Variants in FLT1 observed in about 807,000 individuals in gnomAD.
The protein encoded by FLT1 is vascular endothelial growth factor receptor 1.
A neutral mutation model predicts 156.3 loss-of-function variants in FLT1; 49 were observed. That is an observed-to-expected ratio of 0.31 (90% CI 0.25 to 0.40). The LOEUF is 0.40. FLT1 is among the 10% of genes least tolerant of loss of function. FLT1 has a pLI of 1.00. For missense variants in FLT1, 1,322 were observed against 1,637.2 expected, an observed-to-expected ratio of 0.81 and a Z score of 3.32; for synonymous variants, 594 against 583.8, an observed-to-expected ratio of 1.02 and a Z score of -0.25.
chr13:28,480,561 G>GT (rs1880775923), intron 1 of FLT1, among the ~76,000 whole-genome samples: 1 of 152,188 alleles, frequency 6.6e-6, no homozygotes. Flanking sequence ...GAATCAATGT[G>GT]TATTTGCTAA....
At chr13:28,324,676 TG>T (rs1871602557) in intron 20 of FLT1, among the ~76,000 whole-genome samples, 1 of 152,366 alleles carries the variant, frequency 6.6e-6, no homozygotes, top group South Asian at 2.1e-4. Context: ...AGATCCTTTG[TG>T]GGACAGAAGG....
At chr13:28,389,604 T>C in intron 13 of FLT1, 192 bp downstream of exon 13, 1 of 1,456,242 alleles carries the variant, frequency 6.9e-7, no homozygotes, top group Non-Finnish European at 9.0e-7. Flanking sequence ...ATCTCCGAAC[T>C]CATTTTGGGA....
At chr13:28,393,200 C>T (rs1169343105) in intron 12 of FLT1, among the ~76,000 whole-genome samples, 2 of 152,150 alleles carry the variant, frequency 1.3e-5, no homozygotes, top group African/African-American at 2.4e-5. Context: ...GAAGAATCAA[C>T]CCTTGCTCAG....
At chr13:28,318,940 T>C (rs551391275) in intron 24 of FLT1, among the ~76,000 whole-genome samples, 1 of 152,334 alleles carries the variant, frequency 6.6e-6, no homozygotes, top group African/African-American at 2.4e-5. Flanking sequence ...CAGAGCCATA[T>C]CATGTGTTCA....
intron 23 of FLT1, 100 bp from the exon 24 acceptor site, chr13:28,319,634 T>C: frequency 1.4e-6 from 1 of 727,382 alleles, no homozygotes. Flanking sequence ...ATACGGCCTA[T>C]AAATCATTTC....
chr13:28,354,190 G>A (rs192092575), intron 15 of FLT1, among the ~76,000 whole-genome samples: 10 of 152,266 alleles, frequency 6.6e-5, no homozygotes, highest in East Asian at 3.9e-4. Flanking sequence ...AGCAGGTACC[G>A]TATTCAGCTG....
chr13:28,486,961 T>A (rs971151002), intron 1 of FLT1, among the ~76,000 whole-genome samples: 1 of 152,174 alleles, frequency 6.6e-6, no homozygotes, highest in African/African-American at 2.4e-5. Context: ...TGGGAACTTG[T>A]TAGAAAAGCA....
intron 10 of FLT1, among the ~76,000 whole-genome samples, chr13:28,418,488 A>C (rs955195369): frequency 6.6e-6 from 1 of 152,204 alleles, no homozygotes; most frequent in African/African-American, 2.4e-5. Flanking sequence ...TTCCTCTGGG[A>C]ATCCACAGGG....
chr13:28,366,812 C>T (rs1873313214), intron 14 of FLT1, among the ~76,000 whole-genome samples: 2 of 152,200 alleles, frequency 1.3e-5, no homozygotes, highest in African/African-American at 4.8e-5. Context: ...CTCTGTTACT[C>T]CTGCATCACC....
intron 3 of FLT1, among the ~76,000 whole-genome samples, chr13:28,446,256 T>C (rs535709427): frequency 6.6e-6 from 1 of 152,314 alleles, no homozygotes; most frequent in Non-Finnish European, 1.5e-5. Flanking sequence ...TAAGACATCG[T>C]TGTCCACCCT....
chr13:28,494,439 C>T (rs950451395), intron 1 of FLT1, among the ~76,000 whole-genome samples: 2 of 152,202 alleles, frequency 1.3e-5, no homozygotes, highest in African/African-American at 4.8e-5. Context: ...CCGGTGCGTG[C>T]TGCTCCTAGT....
chr13:28,377,282 C>G (rs1243745439), intron 14 of FLT1, among the ~76,000 whole-genome samples: 1 of 152,214 alleles, frequency 6.6e-6, no homozygotes, highest in Non-Finnish European at 1.5e-5. Flanking sequence ...TTCCCCTTAT[C>G]TCTTCCTCCT....
chr13:28,325,721 A>G (rs1460509101), intron 20 of FLT1, among the ~76,000 whole-genome samples: 1 of 145,204 alleles, frequency 6.9e-6, no homozygotes, highest in African/African-American at 2.5e-5. Context: ...GGGTAGAGGC[A>G]GGAGGATCAC....
At chr13:28,412,344 T>TTCTTTCTTTTCTTTTTC (rs1876282388) in intron 10 of FLT1, among the ~76,000 whole-genome samples, 1 of 73,502 alleles carries the variant, frequency 1.4e-5, no homozygotes, top group African/African-American at 4.2e-5. Context: ...CTTTCTTTCT[T>TTCTTTCTTTTCTTTTTC]TCTTTCTCTT....
At chr13:28,406,626 T>C (rs938139857) in intron 10 of FLT1, among the ~76,000 whole-genome samples, 3 of 60,546 alleles carry the variant, frequency 5.0e-5, no homozygotes, top group Non-Finnish European at 7.0e-5. Context: ...CCAAGAGGAA[T>C]TTTATTATTA....
chr13:28,369,498 A>C (rs1593715038), intron 14 of FLT1, among the ~76,000 whole-genome samples: 1 of 152,152 alleles, frequency 6.6e-6, no homozygotes, highest in Non-Finnish European at 1.5e-5. Flanking sequence ...GTACTCCAGC[A>C]TGGATGACAG....
At chr13:28,354,590 T>G (rs567827648) in intron 15 of FLT1, among the ~76,000 whole-genome samples, 1 of 152,328 alleles carries the variant, frequency 6.6e-6, no homozygotes, top group African/African-American at 2.4e-5. Context: ...TTGTTTCTTT[T>G]ATAAATGGGC....
chr13:28,454,744 G>A (rs1245715822), intron 3 of FLT1, among the ~76,000 whole-genome samples: 1 of 152,052 alleles, frequency 6.6e-6, no homozygotes, highest in African/African-American at 2.4e-5. Flanking sequence ...CATCTGTATA[G>A]AAAATCAAAA....
At chr13:28,468,959 A>T (rs1284843420) in intron 1 of FLT1, among the ~76,000 whole-genome samples, 1 of 152,130 alleles carries the variant, frequency 6.6e-6, no homozygotes, top group Non-Finnish European at 1.5e-5. Context: ...GCCTCCCTTG[A>T]AGCTATTACT....
Sources: gnomAD v4.1 joint callset for allele counts (sites outside exome capture counted in the v4.1 genomes callset) on GRCh38, gnomAD v4.1.1 for gene constraint, MANE v1.5 for transcripts, NCBI Gene and HGNC (gene_info 2026-07-23, HGNC 2026-07-21) for gene names.